AHR: variants seen among roughly 807,000 people sequenced by gnomAD.
AHR encodes aryl hydrocarbon receptor.
A neutral mutation model predicts 86.8 loss-of-function variants in AHR; 40 were observed. That is an observed-to-expected ratio of 0.46 (90% CI 0.36 to 0.60). The LOEUF (loss-of-function observed/expected upper bound fraction) is 0.60, where lower values mean the gene tolerates loss of function less well. AHR is among the 20% of genes least tolerant of loss of function. The probability of loss-of-function intolerance (pLI) is 0.00; values close to 1 mark genes in which losing one functional copy is unlikely to be tolerated. For synonymous variants in AHR, 398 were observed against 354.9 expected (o/e 1.12, Z -1.37); for missense variants, 1,001 against 1,011.6 (o/e 0.99, Z 0.14).
intron 9 of AHR, among the ~76,000 whole-genome samples, chr7:17,336,803 G>A (rs1006467776): frequency 2.0e-5 from 3 of 152,012 alleles, no homozygotes; most frequent in African/African-American, 7.2e-5. Flanking sequence ...GTTTCTAGAA[G>A]GCACTTTTTT....
chr7:17,303,246 A>G (rs893480831), intron 1 of AHR, among the ~76,000 whole-genome samples: 1 of 152,080 alleles, frequency 6.6e-6, no homozygotes, highest in African/African-American at 2.4e-5. Context: ...ATTTAAGTTT[A>G]TAGATAGGGA....
At chr7:17,313,150 A>G (rs892986629) in intron 2 of AHR, among the ~76,000 whole-genome samples, 1 of 152,128 alleles carries the variant, frequency 6.6e-6, no homozygotes, top group African/African-American at 2.4e-5. Flanking sequence ...TTAATCCCCA[A>G]ATTTCCTCCA....
At chr7:17,336,556 T>A (rs1782356504) in intron 9 of AHR, among the ~76,000 whole-genome samples, 1 of 152,204 alleles carries the variant, frequency 6.6e-6, no homozygotes, top group African/African-American at 2.4e-5. Context: ...ATATACATTT[T>A]AGAAAGCAGT....
intron 4 of AHR, among the ~76,000 whole-genome samples, chr7:17,329,106 T>G (rs1322242912): frequency 6.6e-6 from 1 of 151,966 alleles, no homozygotes; most frequent in African/African-American, 2.4e-5. Flanking sequence ...ATTTTTTTCC[T>G]AAAAGAATAT....
intron 10 of AHR, among the ~76,000 whole-genome samples, chr7:17,341,151 C>T (rs1334996073): frequency 1.3e-5 from 2 of 152,072 alleles, no homozygotes; most frequent in African/African-American, 4.8e-5. Flanking sequence ...CCCCTGTTTA[C>T]TCTGTATTAG....
At chr7:17,303,134 A>G (rs1411053660) in intron 1 of AHR, among the ~76,000 whole-genome samples, 1 of 152,108 alleles carries the variant, frequency 6.6e-6, no homozygotes, top group Non-Finnish European at 1.5e-5. Context: ...GCTTAATATG[A>G]CAAAAGATGA....
At chr7:17,333,777 T>C (rs143704195) in intron 6 of AHR, 135 bp from the exon 7 acceptor site, 3 of 667,974 alleles carry the variant, frequency 4.5e-6, no homozygotes, top group Non-Finnish European at 7.5e-6. Flanking sequence ...TGAAGGAAAC[T>C]AACAGTTCTC....
At chr7:17,335,922 C>A in intron 9 of AHR, 136 bp downstream of exon 9, 3 of 857,610 alleles carry the variant, frequency 3.5e-6, no homozygotes, top group Non-Finnish European at 5.3e-6. Context: ...GAAAGAAGAG[C>A]ACAGGTGAGA....
rs2115366404 is a variant in AHR, at chr7:17,334,069, G to C, written c.863G>C (p.Arg288Thr). The C allele has an allele frequency of 6.2e-7, 1 of 1,613,424 alleles. No individual in the cohort carries two copies. Among genetic ancestry groups the C allele is most frequent in the Non-Finnish European group, 8.5e-7 (1 of 1,179,468 alleles). Residue 288 changes from arginine to threonine, a missense_variant, in exon 7 of 11, where the codon AGA becomes ACA. Around this residue, in one of 2 missense-constraint regions of AHR, gnomAD observed 394 missense variants for 468.5 expected, o/e 0.84. Transcript: ENST00000242057. ...ATCCGGACCAAAAATTTTATCTTTA[G>C]AACCAAACACAAACTAGACTTCACA... ...LEIRTKNFIFRTKHKLDFTPI... is the reference protein window; with the variant it reads ...LEIRTKNFIFTTKHKLDFTPI...
chr7:17,339,775 G>T lies in AHR; in HGVS notation c.1950G>T (p.Met650Ile), dbSNP rs1020298945. ...QKMKHMQVNG[M>I]FENWNSNQFV... Reference sequence around the variant, plus strand: ...TGAAGCACATGCAAGTTAATGGCATGTTTGAAAATTGGAACTCTAACCAAT... The same window carrying T: ...TGAAGCACATGCAAGTTAATGGCATTTTTGAAAATTGGAACTCTAACCAAT... Residue 650 changes from methionine to isoleucine, a missense_variant, in exon 10 of 11, where the codon ATG becomes ATT. Around this residue, in one of 2 missense-constraint regions of AHR, gnomAD observed 607 missense variants for 543.1 expected, o/e 1.12. Coordinates refer to ENST00000242057, the MANE Select transcript of AHR (RefSeq NM_001621.5). 2 of 1,614,202 alleles carry T rather than the reference G, an allele frequency of 1.2e-6. No homozygotes were observed. Among genetic ancestry groups the T allele is most frequent in the Non-Finnish European group, 1.7e-6 (2 of 1,180,038 alleles).
At chr7:17,327,725 A>C (rs754513042) in intron 3 of AHR, 34 bp from the exon 4 acceptor site, 1 of 1,217,522 alleles carries the variant, frequency 8.2e-7, no homozygotes, top group African/African-American at 1.5e-5. Context: ...ATATTAAGTC[A>C]TATTACTAAT....
chr7:17,335,443 C>G (rs1022506417), intron 8 of AHR, among the ~76,000 whole-genome samples: 4 of 152,084 alleles, frequency 2.6e-5, no homozygotes. Context: ...ACATAATCTT[C>G]CCTTTAACAT....
chr7:17,299,436 T>C, intron 1 of AHR, 107 bp downstream of exon 1: 1 of 1,292,506 alleles, frequency 7.7e-7, no homozygotes, highest in South Asian at 1.3e-5. Context: ...TGGGATTAGG[T>C]CCATTCCCGG....
rs61730147 is a variant in AHR at position 17,339,017 on chromosome 7, C to A, written c.1192C>A (p.Arg398=). 1.5e-4 allele frequency: 234 copies of A among 1,613,668 alleles called. No homozygotes were observed. Among genetic ancestry groups the A allele is most frequent in the Non-Finnish European group, 2.5e-5 (29 of 1,179,892 alleles). ...GGAAGGAACAGAGCATTTACGAAAA[C>A]GAAATACGAAGTTGCCTTTTATGTT... ...DEEGTEHLRK[R]NTKLPFMFTT... The change falls in exon 10 of 11, where the codon CGA becomes AGA. Residue 398 remains arginine, a synonymous_variant. Coordinates refer to ENST00000242057, the MANE Select transcript of AHR (RefSeq NM_001621.5).
chr7:17,317,867 C>T (rs894642553), intron 2 of AHR, among the ~76,000 whole-genome samples: 5 of 152,068 alleles, frequency 3.3e-5, no homozygotes, highest in African/African-American at 9.7e-5. Context: ...CAACTCATTC[C>T]CCACTGAAAA....
chr7:17,343,003 C>T lies in AHR; in HGVS notation c.2486C>T (p.Pro829Leu). 1.2e-6 allele frequency: 2 copies of T among 1,613,782 alleles called. No individual in the cohort carries two copies. The highest frequency in any genetic ancestry group is 1.7e-6 in the Non-Finnish European group (2 of 1,179,780). Reference sequence around the variant, plus strand: ...ACTCAGACTACCACACATCTTCAGCCACTTCATCATCCGTCAGAAGCCAGA... The same window carrying T: ...ACTCAGACTACCACACATCTTCAGCTACTTCATCATCCGTCAGAAGCCAGA... ...NNTQTTTHLQ[P>L]LHHPSEARPF... The change falls in exon 11 of 11, where the codon CCA becomes CTA. Residue 829 changes from proline to leucine, a missense_variant. By Grantham distance (98) the Pro-to-Leu change is moderately conservative. Coordinates refer to ENST00000242057, the MANE Select transcript of AHR (RefSeq NM_001621.5).
Position 17,339,254 on chromosome 7 carries a change from A to G in AHR, c.1429A>G (p.Ser477Gly). The G allele has an allele frequency of 3.7e-6, 6 of 1,614,218 alleles. No individual in the cohort carries two copies. Among genetic ancestry groups the G allele is most frequent in the Non-Finnish European group, 5.1e-6 (6 of 1,180,030 alleles). The change falls in exon 10 of 11, where the codon AGT (serine) becomes GGT (glycine). Residue 477 changes from serine (S) to glycine (G), a missense_variant. Physicochemically the swap from Ser to Gly is moderately conservative, Grantham distance 56. Transcript: ENST00000242057. ...TCTCTATCCTGCTTCAAGTACTTCA[A>G]GTACTGCACCTTTTGAAAACAACTT... is the stretch of plus-strand genomic sequence containing the variant. Reference protein sequence around the residue: ...IYLYPASSTSSTAPFENNFFN... With the variant: ...IYLYPASSTSGTAPFENNFFN...
At chr7:17,342,726 A>C (rs898278968) in intron 10 of AHR, among the ~76,000 whole-genome samples, 195 bp from the exon 11 acceptor site, 1 of 152,180 alleles carries the variant, frequency 6.6e-6, no homozygotes, top group African/African-American at 2.4e-5. Flanking sequence ...AACAGGTTAT[A>C]AATGCAACTA....
chr7:17,320,110 T>C (rs1782153944), intron 2 of AHR, among the ~76,000 whole-genome samples: 2 of 152,088 alleles, frequency 1.3e-5, no homozygotes, highest in Non-Finnish European at 2.9e-5. Context: ...ATTATAAGCA[T>C]TGTTGTTTAG....
Sources: gnomAD v4.1 joint callset for allele counts (sites outside exome capture counted in the v4.1 genomes callset) on GRCh38, gnomAD v4.1.1 for gene constraint, gnomAD v4.1.1 regional missense constraint, MANE v1.5 for transcripts, NCBI Gene and HGNC (gene_info 2026-07-23, HGNC 2026-07-21) for gene names.